The following RAI1 variants were observed in gnomAD, a reference collection of about 807,000 sequenced individuals.
The protein encoded by RAI1 is retinoic acid-induced protein 1.
Under a neutral mutation model 123.8 loss-of-function variants are expected in RAI1, and 9 were observed. The observed-to-expected ratio is 0.07, with a 90% confidence interval of 0.04 to 0.13. The LOEUF is 0.13. RAI1 is among the 10% of genes least tolerant of loss of function. The pLI, the probability that RAI1 is intolerant of heterozygous loss-of-function variation, is 1.00. For missense variants in RAI1, 2,256 were observed against 2,545.8 expected (o/e 0.89, Z 2.45); for synonymous variants, 1,231 against 1,127.3 (o/e 1.09, Z -1.84).
chr17:17,785,354 T>A (rs540142869), intron 2 of RAI1, among the ~76,000 whole-genome samples: 8 of 152,150 alleles, frequency 5.3e-5, no homozygotes, highest in Admixed American at 1.3e-4. Flanking sequence ...AGCACCCCAA[T>A]CCATCTCATC....
At chr17:17,705,916 C>G (rs183992131) in intron 1 of RAI1, among the ~76,000 whole-genome samples, 241 of 145,044 alleles carry the variant, frequency 1.7e-3, no homozygotes, top group African/African-American at 6.0e-3. Context: ...CCCAGCTACT[C>G]GGGAGGCTGA....
intron 4 of RAI1, among the ~76,000 whole-genome samples, chr17:17,804,974 T>C (rs2143005435): frequency 6.6e-6 from 1 of 152,280 alleles, no homozygotes; most frequent in African/African-American, 2.4e-5. Context: ...GCGATTCTCC[T>C]GCCTCAGCCT....
chr17:17,710,378 G>GATAT (rs1915529924), intron 1 of RAI1, among the ~76,000 whole-genome samples: 1 of 152,182 alleles, frequency 6.6e-6, no homozygotes, highest in Non-Finnish European at 1.5e-5. Context: ...TCCCTACGTG[G>GATAT]ATATACGGCC....
intron 2 of RAI1, among the ~76,000 whole-genome samples, chr17:17,725,822 A>G (rs578185460): frequency 5.9e-4 from 90 of 152,098 alleles, no homozygotes; most frequent in Non-Finnish European, 5.7e-4. Flanking sequence ...CCCTACTTAA[A>G]AAGAGAATTC....
chr17:17,804,914 G>A (rs2032566551), intron 4 of RAI1, among the ~76,000 whole-genome samples: 1 of 151,916 alleles, frequency 6.6e-6, no homozygotes, highest in South Asian at 2.1e-4. Context: ...CCAGGCTGGA[G>A]TGCAGTGGTG....
intron 2 of RAI1, among the ~76,000 whole-genome samples, chr17:17,725,505 GA>G (rs1273536319): frequency 6.6e-6 from 1 of 152,114 alleles, no homozygotes; most frequent in African/African-American, 2.4e-5. Context: ...AATTTCTGGG[GA>G]CCGCAGTTCT....
intron 1 of RAI1, among the ~76,000 whole-genome samples, chr17:17,682,245 G>A (rs1479691816): frequency 1.3e-5 from 2 of 152,058 alleles, no homozygotes; most frequent in African/African-American, 4.8e-5. Context: ...ACTTCCCCAT[G>A]CGTGACCCGG....
chr17:17,727,839 C>G (rs1462587589), intron 2 of RAI1, among the ~76,000 whole-genome samples: 1 of 152,032 alleles, frequency 6.6e-6, no homozygotes, highest in Non-Finnish European at 1.5e-5. Context: ...CGAGATTCAC[C>G]CCAGGAGACC....
chr17:17,694,854 C>T (rs1176079428), intron 1 of RAI1, among the ~76,000 whole-genome samples: 1 of 151,708 alleles, frequency 6.6e-6, no homozygotes, highest in Non-Finnish European at 1.5e-5. Flanking sequence ...GAGGCCCCGC[C>T]CCCTGGCGGA....
At chr17:17,762,545 T>TAC (rs1244014793) in intron 2 of RAI1, among the ~76,000 whole-genome samples, 4 of 152,184 alleles carry the variant, frequency 2.6e-5, no homozygotes, top group Non-Finnish European at 4.4e-5. Context: ...AGCATTCACT[T>TAC]TACTTTCCTG....
chr17:17,748,681 G>C (rs1309035227), intron 2 of RAI1, among the ~76,000 whole-genome samples: 1 of 151,974 alleles, frequency 6.6e-6, no homozygotes, highest in African/African-American at 2.4e-5. Flanking sequence ...GCCGAGGCTG[G>C]CATACCTGGC....
At chr17:17,736,008 T>TA (rs1162556927) in intron 2 of RAI1, among the ~76,000 whole-genome samples, 2 of 152,002 alleles carry the variant, frequency 1.3e-5, no homozygotes, top group African/African-American at 2.4e-5. Context: ...GTATCTGTGT[T>TA]ATGTGTGTGC....
At chr17:17,707,659 C>T (rs138669844) in intron 1 of RAI1, among the ~76,000 whole-genome samples, 4 of 152,154 alleles carry the variant, frequency 2.6e-5, no homozygotes, top group Non-Finnish European at 4.4e-5. Context: ...GTGGCATGAT[C>T]TCAGCTCACT....
chr17:17,689,732 G>A (rs1914773033), intron 1 of RAI1, among the ~76,000 whole-genome samples: 1 of 152,190 alleles, frequency 6.6e-6, no homozygotes, highest in Admixed American at 6.5e-5. Flanking sequence ...TCTGTAAAAT[G>A]GGGGAACTGA....
At chr17:17,684,667 A>T (rs1472206790) in intron 1 of RAI1, 1 of 116,438 alleles carries the variant, frequency 8.6e-6, no homozygotes, top group African/African-American at 3.2e-5. Flanking sequence ...TTACTCACTT[A>T]ATGCATATAT....
At position 17,799,558 on chromosome 17, in the gene RAI1, G is replaced by A. The variant is rs2032386747; in HGVS notation, c.5565+1045G>A. ...CGCTCCCGGCTCTCAGCGCTGTGTG[G>A]TGGCTCTCAGTGGGGACGCCTGCAG... On this transcript the variant is annotated intron_variant, in intron 3 of 5. Transcript: ENST00000353383. This position sits in a 1 kb window ranked among gnomAD's most constrained non-coding sequence, Gnocchi z 4.5. 6.6e-6 allele frequency among the ~76,000 whole-genome samples: 1 copy of A among 152,162 alleles called. No homozygotes were observed. Among genetic ancestry groups the A allele is most frequent in the African/African-American group, 2.4e-5 (1 of 41,424 alleles).
intron 4 of RAI1, among the ~76,000 whole-genome samples, chr17:17,807,258 CG>C (rs1432018630): frequency 2.3e-4 from 1 of 4,432 alleles, no homozygotes; most frequent in Non-Finnish European, 6.0e-4. Context: ...GTGGGGGGGG[CG>C]GGGGGGTGGG....
chr17:17,724,606 A>G (rs969122815), intron 2 of RAI1, among the ~76,000 whole-genome samples: 2 of 151,778 alleles, frequency 1.3e-5, no homozygotes, highest in Admixed American at 6.5e-5. Flanking sequence ...GTTCTGTTCA[A>G]GTTCGCAATC....
chr17:17,746,520 C>T (rs2029927993), intron 2 of RAI1, among the ~76,000 whole-genome samples: 1 of 152,176 alleles, frequency 6.6e-6, no homozygotes, highest in African/African-American at 2.4e-5. Flanking sequence ...GAGCTCCTGC[C>T]ATCCCCTTAA....
Sources: allele counts gnomAD v4.1 joint callset (sites outside exome capture counted in the v4.1 genomes callset), GRCh38; gene constraint gnomAD v4.1.1; non-coding constraint Gnocchi (gnomAD v3.1); transcripts MANE v1.5; gene names NCBI Gene and HGNC (gene_info 2026-07-23, HGNC 2026-07-21).